SRGAP1: variants seen among roughly 807,000 people sequenced by gnomAD.
SRGAP1 encodes SLIT-ROBO Rho GTPase activating protein 1.
Under a neutral mutation model 121.9 loss-of-function variants are expected in SRGAP1, and 43 were observed. The observed-to-expected ratio is 0.35, with a 90% confidence interval of 0.28 to 0.46. The LOEUF is 0.46. SRGAP1 is among the 20% of genes least tolerant of loss of function. The pLI, the probability that SRGAP1 is intolerant of heterozygous loss-of-function variation, is 1.00. For missense variants in SRGAP1, 1,102 were observed against 1,350.9 expected (o/e 0.82, Z 2.89); for synonymous variants, 447 against 485.4 (o/e 0.92, Z 1.04).
intron 6 of SRGAP1, among the ~76,000 whole-genome samples, chr12:64,058,123 C>T (rs1424902663): frequency 2.0e-5 from 3 of 152,174 alleles, no homozygotes; most frequent in Non-Finnish European, 4.4e-5. Context: ...TTTCAGCCAA[C>T]TCTCAGCATT....
intron 1 of SRGAP1, among the ~76,000 whole-genome samples, chr12:63,951,822 C>G (rs916461815): frequency 6.6e-6 from 1 of 152,182 alleles, no homozygotes; most frequent in Non-Finnish European, 1.5e-5. Context: ...AGGGGAAGAT[C>G]TGCTTTTCAG....
chr12:63,911,932 T>C (rs1260661650), intron 1 of SRGAP1, among the ~76,000 whole-genome samples: 1 of 152,186 alleles, frequency 6.6e-6, no homozygotes, highest in Non-Finnish European at 1.5e-5. Flanking sequence ...AGGCCTATAA[T>C]TAGCTCTATT....
chr12:64,071,512 G>A (rs751563161), intron 8 of SRGAP1, among the ~76,000 whole-genome samples: 3 of 152,164 alleles, frequency 2.0e-5, no homozygotes, highest in Non-Finnish European at 4.4e-5. Flanking sequence ...TGCTTCCACC[G>A]TAGGTGGAAA....
chr12:63,934,772 C>T (rs1405939993), intron 1 of SRGAP1, among the ~76,000 whole-genome samples: 1 of 152,110 alleles, frequency 6.6e-6, no homozygotes, highest in Admixed American at 6.6e-5. Context: ...CAGCTCAGCC[C>T]CTGCCTGGCC....
intron 6 of SRGAP1, among the ~76,000 whole-genome samples, chr12:64,047,097 A>G (rs2035145811): frequency 6.6e-6 from 1 of 152,192 alleles, no homozygotes; most frequent in South Asian, 2.1e-4. Flanking sequence ...AAAAAGTTGG[A>G]CTTTTGAAAG....
intron 1 of SRGAP1, among the ~76,000 whole-genome samples, chr12:63,968,700 G>A (rs1171010368): frequency 6.6e-6 from 1 of 152,198 alleles, no homozygotes; most frequent in Admixed American, 6.5e-5. Context: ...GCAGAGTGTT[G>A]TGTCTTCAGG....
chr12:64,118,160 A>G (rs1409067921), intron 18 of SRGAP1, among the ~76,000 whole-genome samples: 1 of 152,118 alleles, frequency 6.6e-6, no homozygotes, highest in Non-Finnish European at 1.5e-5. Context: ...GTTTTTGAGG[A>G]ATCTCTGTGC....
chr12:64,123,643 G>GATTTATTTATTT (rs140354888), intron 18 of SRGAP1, among the ~76,000 whole-genome samples: 13 of 141,212 alleles, frequency 9.2e-5, no homozygotes, highest in Non-Finnish European at 1.1e-4. Context: ...ATTGCTAAAG[G>GATTTATTTATTT]ATTTATTTAT....
intron 4 of SRGAP1, among the ~76,000 whole-genome samples, chr12:64,017,304 GAT>G (rs1247128804): frequency 6.6e-6 from 1 of 152,160 alleles, no homozygotes; most frequent in African/African-American, 2.4e-5. Context: ...GTCTCCATAA[GAT>G]ATGTTTTTAA....
rs2036387979 is a variant in SRGAP1, at chr12:64,108,928, G to A, written c.1814-4G>A. 2 of 1,589,582 alleles carry A rather than the reference G, an allele frequency of 1.3e-6. No individual in the cohort carries two copies. The highest frequency in any genetic ancestry group is 1.7e-6 in the Non-Finnish European group (2 of 1,163,790). On this transcript the variant is annotated splice_polypyrimidine_tract_variant and splice_region_variant and intron_variant, in intron 15 of 21. Transcript: ENST00000355086. ...ACTCTGACCATGTCATCTTCTGTCT[G>A]TAGGAATAGATAATCTCTATGAGAG...
intron 8 of SRGAP1, among the ~76,000 whole-genome samples, chr12:64,066,271 G>A (rs190709265): frequency 3.3e-5 from 5 of 152,278 alleles, no homozygotes; most frequent in Admixed American, 2.6e-4. Flanking sequence ...CTCCATCCTA[G>A]CATTCTTGTC....
chr12:64,108,974 T>A lies in SRGAP1; in HGVS notation c.1856T>A (p.Leu619His). ...LYERALHIRK[L>H]LLTLPRSVLI... ...GAGAGGGCGCTTCACATCCGCAAAC[T>A]CCTCCTGACTTTGCCCAGGTCGGTC... The change falls in exon 16 of 22, where the codon CTC becomes CAC. Residue 619 changes from leucine (L) to histidine (H), a missense_variant. By Grantham distance (99) the Leu-to-His change is moderately conservative. This residue lies in a region of SRGAP1 where 747 missense variants were observed against 929.4 expected (regional missense o/e 0.80). Coordinates refer to ENST00000355086, the MANE Select transcript of SRGAP1 (RefSeq NM_020762.4). The A allele has an allele frequency of 6.2e-7, 1 of 1,604,706 alleles. No individual in the cohort carries two copies. Among genetic ancestry groups the A allele is most frequent in the Non-Finnish European group, 8.5e-7 (1 of 1,173,610 alleles).
intron 1 of SRGAP1, among the ~76,000 whole-genome samples, chr12:63,884,291 A>G (rs1391884859): frequency 6.6e-6 from 1 of 152,066 alleles, no homozygotes; most frequent in Non-Finnish European, 1.5e-5. Context: ...ACTCAAAAAA[A>G]GGAAGTATGG....
chr12:64,117,381 G>A (rs1340430433), intron 18 of SRGAP1, among the ~76,000 whole-genome samples: 1 of 152,002 alleles, frequency 6.6e-6, no homozygotes, highest in Non-Finnish European at 1.5e-5. Flanking sequence ...TGATTTGTAA[G>A]GGTTCTTTGT....
At chr12:64,095,462 CA>C (rs2036138125) in intron 14 of SRGAP1, among the ~76,000 whole-genome samples, 1 of 152,120 alleles carries the variant, frequency 6.6e-6, no homozygotes, top group South Asian at 2.1e-4. Flanking sequence ...CCAGGTATAG[CA>C]AATGTGGGGC....
At position 64,056,549 on chromosome 12, in the gene SRGAP1, CAAAAAAA is replaced by C. The variant is rs1273579087; in HGVS notation, c.802-6356_802-6350del. On this transcript the variant is annotated intron_variant, in intron 6 of 21. Transcript: ENST00000355086. ...GCCTGGACAACAGAATGAGACTCCA[CAAAAAAA>C]AAAAAAAAAAAGAGAGAAAGAAAGA... 1.3e-4 allele frequency among the ~76,000 whole-genome samples: 8 copies of C among 60,058 alleles called. No individual in the cohort carries two copies. In the East Asian group the frequency reaches 1.7e-3, roughly 13 times the overall value. The allele number at this position is 60,058 out of a possible 152,430, so 39.4% of individuals were successfully genotyped here. A position where few individuals can be genotyped will look rare whatever the true frequency, so the allele number is the denominator to read the frequency against.
chr12:64,030,437 A>G (rs1196718308), intron 4 of SRGAP1, among the ~76,000 whole-genome samples: 1 of 152,240 alleles, frequency 6.6e-6, no homozygotes, highest in Non-Finnish European at 1.5e-5. Flanking sequence ...CTTTCATTAC[A>G]AATAGAAACA....
At chr12:63,997,439 C>T (rs2033744784) in intron 3 of SRGAP1, among the ~76,000 whole-genome samples, 1 of 151,996 alleles carries the variant, frequency 6.6e-6, no homozygotes, top group South Asian at 2.1e-4. Flanking sequence ...CCTGCCTGTA[C>T]TTGAACTCAT....
chr12:63,996,872 A>C (rs574523702), intron 3 of SRGAP1, among the ~76,000 whole-genome samples: 75 of 152,272 alleles, frequency 4.9e-4, no homozygotes, highest in African/African-American at 1.8e-3. Context: ...AGCCAAAACT[A>C]AACTATCATT....
Sources: allele counts gnomAD v4.1 joint callset (sites outside exome capture counted in the v4.1 genomes callset), GRCh38; gene constraint gnomAD v4.1.1; regional missense constraint gnomAD v4.1.1; transcripts MANE v1.5; gene names NCBI Gene and HGNC (gene_info 2026-07-23, HGNC 2026-07-21).